The following MYT1L variants were observed in gnomAD, a reference collection of about 807,000 sequenced individuals.
The protein encoded by MYT1L is myelin transcription factor 1 like, also known as myelin transcription factor 1-like protein.
Under a neutral mutation model 126.7 loss-of-function variants are expected in MYT1L, and 12 were observed. That is an observed-to-expected ratio of 0.09 (90% confidence interval 0.06 to 0.15). The LOEUF (loss-of-function observed/expected upper bound fraction) is 0.15. Among genes scored for constraint, MYT1L ranks in the 10% least tolerant of loss-of-function variants. The pLI, the probability that MYT1L is intolerant of heterozygous loss-of-function variation, is 1.00. For missense variants in MYT1L, 979 were observed against 1,585.2 expected, an observed-to-expected ratio of 0.62 and a Z score of 6.49; for synonymous variants, 541 against 604.2, an observed-to-expected ratio of 0.90 and a Z score of 1.53.
chr2:1,956,590 A>T lies in MYT1L; in HGVS notation c.153-13256T>A, dbSNP rs557541280. 2.1e-3 allele frequency among the ~76,000 whole-genome samples: 310 copies of T among 148,184 alleles called. 5 individuals are homozygous for T. The highest frequency in any genetic ancestry group is 7.5e-3 in the African/African-American group (296 of 39,726). On this transcript the variant is annotated intron_variant, in intron 8 of 24. Transcript: ENST00000647738. ...TATTTCCTATTCTATCTATCTATCT[A>T]TCTATCTATCTATCTATCTATCTAT...
intron 2 of MYT1L, among the ~76,000 whole-genome samples, chr2:2,233,977 A>T (rs2094221489): frequency 6.6e-6 from 1 of 152,244 alleles, no homozygotes; most frequent in South Asian, 2.1e-4. Flanking sequence ...CACTGATCTT[A>T]TAACCAGGCT....
Position 1,917,233 on chromosome 2 carries a change from G to A in MYT1L, c.1590C>T (p.Cys530=). 1 of 1,613,362 alleles carries A rather than the reference G, an allele frequency of 6.2e-7. No homozygotes were observed. The highest frequency in any genetic ancestry group is 1.1e-5 in the South Asian group (1 of 91,030). The part of the protein sequence containing the change: ...LYPHHRSLSG[C]PHKDRVPPEI... ...CTGGAGGGACCCTATCTTTGTGCGG[G>A]CATCCGGACAGGCTGCGGTGATGTG... Residue 530 remains cysteine (C), a synonymous_variant, in exon 11 of 25, where the codon TGC becomes TGT. Transcript: ENST00000647738. The surrounding 1 kb of genome is among the most constrained non-coding windows in gnomAD (Gnocchi z 5.9).
chr2:2,248,772 C>T (rs2094581055), intron 2 of MYT1L, among the ~76,000 whole-genome samples: 2 of 152,020 alleles, frequency 1.3e-5, no homozygotes, highest in South Asian at 2.1e-4. Flanking sequence ...GGACAAAAAC[C>T]ATATAATCAT....
intron 18 of MYT1L, among the ~76,000 whole-genome samples, chr2:1,857,135 C>T (rs1340104701): frequency 6.6e-6 from 1 of 152,156 alleles, no homozygotes; most frequent in Non-Finnish European, 1.5e-5. Context: ...GTCATCAGGG[C>T]CTGGGAGTCC....
At chr2:2,273,785 A>G (rs536643738) in intron 2 of MYT1L, among the ~76,000 whole-genome samples, 2 of 152,362 alleles carry the variant, frequency 1.3e-5, no homozygotes, top group African/African-American at 4.8e-5. Context: ...AAACACCAGA[A>G]AAGTCAATTG....
intron 3 of MYT1L, among the ~76,000 whole-genome samples, chr2:2,101,048 C>A (rs1471301283): frequency 2.6e-5 from 4 of 152,164 alleles, no homozygotes; most frequent in African/African-American, 9.7e-5. Flanking sequence ...GCAAGGATTC[C>A]TCTCTTTCAA....
chr2:1,853,384 C>A (rs2148548058), intron 18 of MYT1L, among the ~76,000 whole-genome samples: 1 of 152,338 alleles, frequency 6.6e-6, no homozygotes, highest in African/African-American at 2.4e-5. Flanking sequence ...GATTTTTGTT[C>A]AAGTAACAGC....
At chr2:1,978,975 G>A (rs995732925) in intron 8 of MYT1L, among the ~76,000 whole-genome samples, 190 bp downstream of exon 8, 1 of 152,066 alleles carries the variant, frequency 6.6e-6, no homozygotes, top group Admixed American at 6.5e-5. Context: ...TTCTGCCCAC[G>A]AGATCGAACG....
At chr2:2,102,059 T>C (rs1018703776) in intron 3 of MYT1L, among the ~76,000 whole-genome samples, 1 of 152,200 alleles carries the variant, frequency 6.6e-6, no homozygotes, top group Non-Finnish European at 1.5e-5. Context: ...AAACCTTCCT[T>C]ATCTCCACCA....
chr2:2,189,677 G>T (rs1217863372), intron 2 of MYT1L, among the ~76,000 whole-genome samples: 1 of 152,148 alleles, frequency 6.6e-6, no homozygotes, highest in Non-Finnish European at 1.5e-5. Flanking sequence ...CAAAATCTCT[G>T]CGAGGGCTTC....
At position 2,215,388 on chromosome 2, in the gene MYT1L, G is replaced by A. The variant is rs11127373; in HGVS notation, c.-420-42400C>T. ...GCTTGCACTAGTCAAAAGAAAGCTA[G>A]AGTGGCTCTGTTAATAACAGACAAG... On this transcript the variant is annotated intron_variant, in intron 2 of 24. Transcript: ENST00000647738. 6.8e-4 allele frequency among the ~76,000 whole-genome samples: 104 copies of A among 152,302 alleles called. No homozygotes were observed. The East Asian group carries it at 0.016, about 23-fold the overall frequency.
At chr2:2,008,609 CT>C (rs1361206863) in intron 4 of MYT1L, among the ~76,000 whole-genome samples, 9 of 151,640 alleles carry the variant, frequency 5.9e-5, no homozygotes, top group African/African-American at 1.2e-4. Context: ...GATTTGCAAA[CT>C]TTTTTTTTCC....
At chr2:2,143,181 T>C (rs1285896630) in intron 3 of MYT1L, among the ~76,000 whole-genome samples, 1 of 150,476 alleles carries the variant, frequency 6.6e-6, no homozygotes, top group Non-Finnish European at 1.5e-5. Context: ...TCCCAGCTAC[T>C]CGGGAGGCTG....
intron 1 of MYT1L, among the ~76,000 whole-genome samples, chr2:2,307,362 G>A (rs1055833001): frequency 6.6e-6 from 1 of 152,006 alleles, no homozygotes; most frequent in East Asian, 1.9e-4. Context: ...TGGCGTCATG[G>A]CTACTATTAA....
At chr2:2,018,201 A>C (rs1484375770) in intron 4 of MYT1L, among the ~76,000 whole-genome samples, 2 of 152,168 alleles carry the variant, frequency 1.3e-5, no homozygotes, top group African/African-American at 4.8e-5. Flanking sequence ...TCACTTAATA[A>C]TATTCTAGGG....
intron 8 of MYT1L, among the ~76,000 whole-genome samples, chr2:1,968,532 G>A (rs942892605): frequency 1.3e-5 from 2 of 152,150 alleles, no homozygotes; most frequent in Non-Finnish European, 2.9e-5. Flanking sequence ...AGTGGCTACC[G>A]AATTACAAGG....
intron 19 of MYT1L, among the ~76,000 whole-genome samples, chr2:1,845,194 G>A (rs1001135203): frequency 2.0e-5 from 3 of 152,012 alleles, no homozygotes; most frequent in African/African-American, 4.8e-5. Flanking sequence ...AGCTGATCTC[G>A]AACTCCTGGC....
At chr2:1,957,620 CATCT>C (rs1291767790) in intron 8 of MYT1L, among the ~76,000 whole-genome samples, 4 of 152,198 alleles carry the variant, frequency 2.6e-5, no homozygotes, top group African/African-American at 9.6e-5. Context: ...TCTATCTAAT[CATCT>C]ATCAGCTGTC....
intron 1 of MYT1L, among the ~76,000 whole-genome samples, chr2:2,330,420 G>T (rs956463217): frequency 1.3e-5 from 2 of 151,818 alleles, no homozygotes; most frequent in Admixed American, 6.6e-5. Context: ...ATTAATTTAG[G>T]TGTTACAAAA....
Sources: gnomAD v4.1 joint callset for allele counts (sites outside exome capture counted in the v4.1 genomes callset) on GRCh38, gnomAD v4.1.1 for gene constraint, Gnocchi (gnomAD v3.1) non-coding constraint, MANE v1.5 for transcripts, NCBI Gene and HGNC (gene_info 2026-07-23, HGNC 2026-07-21) for gene names.